The following MTMR10 variants were observed in gnomAD, a reference collection of about 807,000 sequenced individuals.
MTMR10 encodes myotubularin-related protein 10.
MTMR10 carries 56 observed loss-of-function variants against 88.1 expected under a neutral mutation model. That is an observed-to-expected ratio of 0.64 (90% CI 0.51 to 0.79). MTMR10 has a LOEUF of 0.79. Among genes scored for constraint, MTMR10 ranks in the 30% least tolerant of loss-of-function variants. The pLI is 0.00. For synonymous variants in MTMR10, 380 were observed against 340.9 expected, an observed-to-expected ratio of 1.11 and a Z score of -1.26; for missense variants, 883 against 924.7, an observed-to-expected ratio of 0.95 and a Z score of 0.58.
intron 5 of MTMR10, among the ~76,000 whole-genome samples, chr15:30,972,173 A>T (rs1361734110): frequency 6.6e-6 from 1 of 152,112 alleles, no homozygotes; most frequent in African/African-American, 2.4e-5. Flanking sequence ...AGCTTCCAGG[A>T]GGTAAAAATG....
intron 5 of MTMR10, among the ~76,000 whole-genome samples, chr15:30,973,416 C>T (rs1046357825): frequency 2.6e-5 from 4 of 152,086 alleles, no homozygotes; most frequent in Non-Finnish European, 5.9e-5. Flanking sequence ...ACCACCTCTT[C>T]ACCAAAGTAT....
intron 9 of MTMR10, among the ~76,000 whole-genome samples, chr15:30,955,420 G>A (rs1042042113): frequency 1.4e-4 from 22 of 152,022 alleles, no homozygotes; most frequent in East Asian, 3.9e-4. Flanking sequence ...ACAGGCACCC[G>A]CCACCACACC....
intron 2 of MTMR10, among the ~76,000 whole-genome samples, chr15:30,987,294 G>T (rs1185964385): frequency 6.6e-6 from 1 of 152,222 alleles, no homozygotes; most frequent in Non-Finnish European, 1.5e-5. Flanking sequence ...CAGTCCCTCA[G>T]TAAACATCTC....
chr15:30,948,763 A>C, intron 12 of MTMR10: 1 of 441,164 alleles, frequency 2.3e-6, no homozygotes, highest in Non-Finnish European at 4.0e-6. Flanking sequence ...ATCCGTCTAG[A>C]CTCCATTCTA....
chr15:30,929,481 C>T, the MTMR10 span: 2 of 991,690 alleles, frequency 2.0e-6, no homozygotes, highest in Non-Finnish European at 3.0e-6. Context: ...TATCAAAATA[C>T]ACATGTGTGT....
chr15:30,975,078 G>A (rs2030019538), intron 3 of MTMR10, 75 bp from the exon 4 acceptor site: 4 of 1,104,476 alleles, frequency 3.6e-6, no homozygotes, highest in Non-Finnish European at 5.2e-6. Flanking sequence ...CTTAAACTGT[G>A]ATGATAAACT....
At chr15:30,953,435 G>T in intron 11 of MTMR10, 127 bp downstream of exon 11, 1 of 690,388 alleles carries the variant, frequency 1.4e-6, no homozygotes, top group Non-Finnish European at 2.5e-6. Flanking sequence ...GTTACGAGAT[G>T]TTACTATTGG....
the MTMR10 span, among the ~76,000 whole-genome samples, chr15:30,933,925 TG>T: frequency 1.3e-5 from 2 of 152,114 alleles, no homozygotes; most frequent in African/African-American, 4.8e-5. Context: ...CATGCCCAGC[TG>T]ATTTTTTTTA....
intron 11 of MTMR10, among the ~76,000 whole-genome samples, chr15:30,952,956 A>G (rs1426468047): frequency 6.6e-6 from 1 of 151,966 alleles, no homozygotes; most frequent in African/African-American, 2.4e-5. Flanking sequence ...TGCTTGGCTA[A>G]TTTTTGTATT....
intron 13 of MTMR10, 142 bp from the exon 14 acceptor site, chr15:30,947,442 T>G (rs2063187186): frequency 1.1e-6 from 1 of 905,884 alleles, no homozygotes; most frequent in African/African-American, 1.7e-5. Context: ...TAAGCTGAGC[T>G]ATACACATCT....
In MTMR10 at chr15:30,955,302, A is replaced by G. The variant is rs558945112; in HGVS notation, c.936-409T>C. ...CTTTTTCTTTTTGAGACGGAGTCTC[A>G]TACTGTCGCCCAGGCTGGAGTGCAG... is the stretch of plus-strand genomic sequence containing the variant. On this transcript the variant is annotated intron_variant, in intron 9 of 15. Transcript: ENST00000435680. 1.1e-3 allele frequency among the ~76,000 whole-genome samples: 161 copies of G among 152,266 alleles called. 2 individuals are homozygous for G. Among genetic ancestry groups the G allele is most frequent in the African/African-American group, 3.7e-3 (155 of 41,546 alleles).
chr15:30,942,056 G>T lies in MTMR10; in HGVS notation c.1748C>A (p.Thr583Lys). ...TAAGGCAGACGGCATTCCTCTTAGT[G>T]TGGAGCTGTAGCTTTTCTATACAGA... The part of the protein sequence containing the change: ...FKRTKKSYSS[T>K]LRGMPSALKN... The change falls in exon 16 of 16, where the codon ACA becomes AAA. Residue 583 changes from threonine to lysine, a missense_variant. Thr to Lys is a moderately conservative substitution (Grantham distance 78). Around this residue, in one of 3 missense-constraint regions of MTMR10, gnomAD observed 343 missense variants for 323.2 expected, o/e 1.06. Coordinates refer to ENST00000435680, the MANE Select transcript of MTMR10 (RefSeq NM_017762.3). 1 of 1,613,620 alleles carries T rather than the reference G, an allele frequency of 6.2e-7. No homozygotes were observed. The highest frequency in any genetic ancestry group is 2.2e-5 in the East Asian group (1 of 44,880).
chr15:30,987,243 GGT>G (rs1329304753), intron 2 of MTMR10, among the ~76,000 whole-genome samples: 1 of 152,194 alleles, frequency 6.6e-6, no homozygotes, highest in East Asian at 1.9e-4. Context: ...GCCTGGGTAA[GGT>G]AACAGTTTAA....
At chr15:30,979,495 T>G (rs2030403450) in intron 2 of MTMR10, among the ~76,000 whole-genome samples, 2 of 152,008 alleles carry the variant, frequency 1.3e-5, no homozygotes, top group African/African-American at 2.4e-5. Context: ...GGAGAACTGC[T>G]TGAACCCAGG....
Position 30,939,606 on chromosome 15 carries a change from C to T in MTMR10, c.*1864G>A. On this transcript the variant is annotated 3_prime_UTR_variant, in exon 16 of 16. Coordinates refer to ENST00000435680, the MANE Select transcript of MTMR10 (RefSeq NM_017762.3). Reference sequence around the variant, plus strand: ...CTATTTTTAACCATTATTAATAGTACCTAATATTTTTAAACTTGTAAATTA... The same window carrying T: ...CTATTTTTAACCATTATTAATAGTATCTAATATTTTTAAACTTGTAAATTA... The T allele has an allele frequency of 1.1e-6, 1 of 927,876 alleles. No homozygotes were observed. The highest frequency in any genetic ancestry group is 1.3e-6 in the Non-Finnish European group (1 of 777,904). The allele number at this position is 927,876 out of a possible 1,614,324, so 57.5% of individuals were successfully genotyped here.
chr15:30,925,340 T>G, the MTMR10 span: 1 of 1,538,026 alleles, frequency 6.5e-7, no homozygotes, highest in Non-Finnish European at 8.9e-7. Context: ...GTGTACCTGG[T>G]TTTTTTGGAC....
chr15:30,965,441 C>T (rs1034405186), intron 6 of MTMR10, among the ~76,000 whole-genome samples: 34 of 152,160 alleles, frequency 2.2e-4, no homozygotes, highest in African/African-American at 8.0e-4. Context: ...CTTCATGAAA[C>T]TTTCAATATT....
the MTMR10 span, chr15:30,927,402 A>T: frequency 1.0e-6 from 1 of 985,580 alleles, no homozygotes; most frequent in Non-Finnish European, 1.2e-6. Flanking sequence ...GTCCTGAGTG[A>T]ACCGCTGTCC....
At chr15:30,986,001 G>C (rs1357932476) in intron 2 of MTMR10, among the ~76,000 whole-genome samples, 1 of 152,150 alleles carries the variant, frequency 6.6e-6, no homozygotes, top group Non-Finnish European at 1.5e-5. Flanking sequence ...TGTCAAAAGA[G>C]GGAGGATGCA....
Sources: allele counts gnomAD v4.1 joint callset (sites outside exome capture counted in the v4.1 genomes callset), GRCh38; gene constraint gnomAD v4.1.1; regional missense constraint gnomAD v4.1.1; transcripts MANE v1.5; gene names NCBI Gene and HGNC (gene_info 2026-07-23, HGNC 2026-07-21).